CSMD2: variants seen among roughly 807,000 people sequenced by gnomAD.
CSMD2 encodes the protein CUB and Sushi multiple domains 2, also known as CUB and sushi domain-containing protein 2.
In CSMD2, 130 loss-of-function variants were observed where a neutral mutation model predicts 398.5. That is an observed-to-expected ratio of 0.33 (90% CI 0.28 to 0.38). CSMD2 has a LOEUF of 0.38. CSMD2 is among the 10% of genes least tolerant of loss of function. The probability of loss-of-function intolerance (pLI) is 1.00; values close to 1 mark genes in which losing one functional copy is unlikely to be tolerated. For missense variants in CSMD2, 3,829 were observed against 4,764.9 expected (o/e 0.80, Z 5.78); for synonymous variants, 1,828 against 1,908.5 (o/e 0.96, Z 1.10).
intron 15 of CSMD2, among the ~76,000 whole-genome samples, chr1:33,728,609 T>C (rs1162455779): frequency 6.6e-6 from 1 of 152,174 alleles, no homozygotes; most frequent in Non-Finnish European, 1.5e-5. Flanking sequence ...CTAATGAAAT[T>C]AGAGCTGAGA....
intron 25 of CSMD2, among the ~76,000 whole-genome samples, chr1:33,676,382 G>T (rs931901311): frequency 2.0e-5 from 3 of 152,102 alleles, no homozygotes; most frequent in African/African-American, 7.2e-5. Flanking sequence ...GAGTAAAATA[G>T]CTAGGAATCC....
chr1:33,825,883 C>A (rs906783143), intron 6 of CSMD2, 109 bp from the exon 7 acceptor site: 5 of 854,228 alleles, frequency 5.9e-6, no homozygotes, highest in Non-Finnish European at 9.1e-6. Flanking sequence ...CATGGTGGGT[C>A]AAAGCCAGGA....
intron 25 of CSMD2, among the ~76,000 whole-genome samples, chr1:33,678,390 T>C (rs950944554): frequency 2.0e-5 from 3 of 151,970 alleles, no homozygotes; most frequent in Non-Finnish European, 4.4e-5. Flanking sequence ...ACCTGTTGAT[T>C]TCACTTGCCT....
At chr1:33,668,074 G>A (rs1291721683) in intron 25 of CSMD2, among the ~76,000 whole-genome samples, 1 of 152,192 alleles carries the variant, frequency 6.6e-6, no homozygotes, top group African/African-American at 2.4e-5. Flanking sequence ...TGGCATTTAA[G>A]CAAGATGCCA....
At position 33,633,332 on chromosome 1, in the gene CSMD2, G is replaced by C; in HGVS notation, c.5200+90C>G. ...GCAGAGCCGTAGGGTTCCACCTGCG[G>C]CCATGGGGTGCTTCTAGAGCCTCCT... is the stretch of plus-strand genomic sequence containing the variant. On this transcript the variant is annotated intron_variant, in intron 32 of 70. Transcript: ENST00000373381. This position sits in a 1 kb window ranked among gnomAD's most constrained non-coding sequence, Gnocchi z 5.0. 1 of 933,440 alleles carries C rather than the reference G, an allele frequency of 1.1e-6. No homozygotes were observed. Among genetic ancestry groups the C allele is most frequent in the Non-Finnish European group, 1.7e-6 (1 of 590,520 alleles). The allele number at this position is 933,440 out of a possible 1,614,324, so 57.8% of individuals were successfully genotyped here.
chr1:34,070,290 C>T (rs115081223), intron 2 of CSMD2, among the ~76,000 whole-genome samples: 2,072 of 152,258 alleles, frequency 0.014, 49 homozygotes, highest in African/African-American at 0.047. Context: ...ACTGTAGAAT[C>T]CCGTCTCTGG....
At chr1:34,031,110 CAG>C (rs1241148007) in intron 3 of CSMD2, among the ~76,000 whole-genome samples, 2 of 148,372 alleles carry the variant, frequency 1.3e-5, no homozygotes, top group African/African-American at 2.5e-5. Context: ...TTTTTTGAGA[CAG>C]AGTCTCATTC....
At chr1:33,811,394 C>A (rs1422018835) in intron 9 of CSMD2, among the ~76,000 whole-genome samples, 2 of 152,156 alleles carry the variant, frequency 1.3e-5, no homozygotes, top group Non-Finnish European at 2.9e-5. Context: ...TCCTCCGTGA[C>A]CCCCTTGGTC....
chr1:33,793,654 A>G (rs12742027), intron 10 of CSMD2, among the ~76,000 whole-genome samples: 26,283 of 152,004 alleles, frequency 0.17, 2,896 homozygotes, highest in Non-Finnish European at 0.25. Flanking sequence ...GGTGTTTGAG[A>G]AAATGTCAGT....
chr1:33,884,604 T>C (rs535543138), intron 5 of CSMD2: 22 of 152,510 alleles, frequency 1.4e-4, no homozygotes, highest in African/African-American at 5.3e-4. Flanking sequence ...ACTGCAACAA[T>C]GAGCAGTTTG....
chr1:33,554,238 T>A (rs1657749045), intron 55 of CSMD2, among the ~76,000 whole-genome samples: 1 of 135,168 alleles, frequency 7.4e-6, no homozygotes, highest in South Asian at 2.6e-4. Flanking sequence ...GTCACCAGGC[T>A]GGAGTACAGT....
At chr1:33,707,346 TC>T (rs1645821558) in intron 22 of CSMD2, among the ~76,000 whole-genome samples, 1 of 152,218 alleles carries the variant, frequency 6.6e-6, no homozygotes, top group Non-Finnish European at 1.5e-5. Flanking sequence ...CTTGCGTTAC[TC>T]CATCTGTACC....
rs1040353324 is a variant in CSMD2 at position 33,533,132 on chromosome 1, C to T, written c.10089G>A (p.Glu3363=). Reference sequence around the variant, plus strand: ...CGGAGCCACCCTTGAGGGAGAAGCCCTCCTGGCAGGAGTAGATGAGCGTGT... The same window carrying T: ...CGGAGCCACCCTTGAGGGAGAAGCCTTCCTGGCAGGAGTAGATGAGCGTGT... ...MGYTLIYSCQ[E]GFSLKGGSEH... Residue 3363 remains glutamate, a synonymous_variant, in exon 64 of 71, where the codon GAG becomes GAA. Transcript: ENST00000373381. The surrounding 1 kb of genome is among the most constrained non-coding windows in gnomAD (Gnocchi z 4.2). 6.2e-7 allele frequency: 1 copy of T among 1,614,038 alleles called. No homozygotes were observed. Among genetic ancestry groups the T allele is most frequent in the Non-Finnish European group, 8.5e-7 (1 of 1,180,008 alleles).
chr1:33,899,543 T>C (rs1642614840), intron 5 of CSMD2, among the ~76,000 whole-genome samples: 1 of 151,756 alleles, frequency 6.6e-6, no homozygotes, highest in Admixed American at 6.6e-5. Context: ...TGGCATGTCG[T>C]TGGTACCCTA....
intron 64 of CSMD2, among the ~76,000 whole-genome samples, 191 bp downstream of exon 64, chr1:33,532,859 G>A (rs1198624526): frequency 6.6e-6 from 1 of 152,266 alleles, no homozygotes; most frequent in Non-Finnish European, 1.5e-5. Context: ...AACCCTTGGG[G>A]TGGGTTGAGT....
chr1:33,675,192 C>T (rs1243341437), intron 25 of CSMD2, among the ~76,000 whole-genome samples: 6 of 151,914 alleles, frequency 3.9e-5, no homozygotes, highest in Admixed American at 1.3e-4. Flanking sequence ...AAAAGATCAA[C>T]AAAATTGATA....
rs147126978 is a variant in CSMD2 at position 34,030,399 on chromosome 1, T to A, written c.517+2195A>T. ...TGCATGAAGACAGCCACCAAACACA[T>A]GTCAACGAATGGGCATGGCTGTGTT... On this transcript the variant is annotated intron_variant, in intron 3 of 70. Coordinates refer to ENST00000373381, the MANE Select transcript of CSMD2 (RefSeq NM_001281956.2). 2.6e-5 allele frequency among the ~76,000 whole-genome samples: 4 copies of A among 152,318 alleles called. No individual in the cohort carries two copies. The East Asian group carries it at 7.7e-4, about 29-fold the overall frequency.
intron 3 of CSMD2, among the ~76,000 whole-genome samples, chr1:33,953,860 T>G (rs1468367754): frequency 6.6e-6 from 1 of 152,178 alleles, no homozygotes; most frequent in Non-Finnish European, 1.5e-5. Context: ...TTTATCAGAC[T>G]AGCCTTCATT....
Position 33,533,194 on chromosome 1 carries a change from C to A in CSMD2, c.10027G>T (p.Ala3343Ser), listed in dbSNP as rs1233743890. 6.2e-7 allele frequency: 1 copy of A among 1,613,906 alleles called. No homozygotes were observed. The highest frequency in any genetic ancestry group is 8.5e-7 in the Non-Finnish European group (1 of 1,180,012). The stretch of plus-strand genomic sequence containing the variant: ...GGCAAATCCAGGGCCCCGACGTTGG[C>A]ATGCGTTGGCGTCTCTGGCTGCCTG... ...HCRQPETPTH[A>S]NVGALDLPSM... The change falls in exon 64 of 71, where the codon GCC becomes TCC. Residue 3343 changes from alanine to serine, a missense_variant. By Grantham distance (99) the Ala-to-Ser change is moderately conservative. This residue lies in a region of CSMD2 where 917 missense variants were observed against 1,199.5 expected (regional missense o/e 0.76). Transcript: ENST00000373381. The surrounding 1 kb of genome is among the most constrained non-coding windows in gnomAD (Gnocchi z 4.2).
Sources: gnomAD v4.1 joint callset for allele counts (sites outside exome capture counted in the v4.1 genomes callset) on GRCh38, gnomAD v4.1.1 for gene constraint, gnomAD v4.1.1 regional missense constraint, Gnocchi (gnomAD v3.1) non-coding constraint, MANE v1.5 for transcripts, NCBI Gene and HGNC (gene_info 2026-07-23, HGNC 2026-07-21) for gene names.